The following PAG1 variants were observed in gnomAD, a reference collection of about 807,000 sequenced individuals.
PAG1 encodes phosphoprotein associated with glycosphingolipid-enriched microdomains 1.
Under a neutral mutation model 31.7 loss-of-function variants are expected in PAG1, and 23 were observed. The ratio of observed to expected loss-of-function variants is 0.73; its 90% CI spans 0.52 to 1.03. The LOEUF (loss-of-function observed/expected upper bound fraction) is 1.03. Among genes scored for constraint, PAG1 ranks in the 50% least tolerant of loss-of-function variants. The pLI is 0.00. For synonymous variants in PAG1, 214 were observed against 210.3 expected (o/e 1.02, Z -0.15); for missense variants, 473 against 540.7 (o/e 0.87, Z 1.24).
At chr8:80,999,962 G>A (rs148339136) in intron 3 of PAG1, among the ~76,000 whole-genome samples, 63 of 152,250 alleles carry the variant, frequency 4.1e-4, no homozygotes, top group African/African-American at 1.4e-3. Flanking sequence ...CTAGAAGTAC[G>A]TATCACATGC....
At chr8:81,014,251 T>C (rs1808034790) in intron 3 of PAG1, among the ~76,000 whole-genome samples, 1 of 152,222 alleles carries the variant, frequency 6.6e-6, no homozygotes, top group Non-Finnish European at 1.5e-5. Flanking sequence ...ACAAATTTTA[T>C]AAACCGGAAA....
At chr8:81,042,490 G>A (rs1346903629) in intron 2 of PAG1, among the ~76,000 whole-genome samples, 3 of 152,144 alleles carry the variant, frequency 2.0e-5, no homozygotes, top group African/African-American at 7.2e-5. Flanking sequence ...ATTTTCACAT[G>A]ATAATTTTGG....
chr8:81,011,327 C>T (rs937820284), intron 3 of PAG1, among the ~76,000 whole-genome samples: 11 of 152,134 alleles, frequency 7.2e-5, no homozygotes, highest in Non-Finnish European at 1.3e-4. Flanking sequence ...TTCCCCCATA[C>T]TGTTCTCATG....
chr8:81,111,323 T>C (rs566897033), intron 1 of PAG1, among the ~76,000 whole-genome samples: 1 of 152,246 alleles, frequency 6.6e-6, no homozygotes, highest in South Asian at 2.1e-4. Context: ...TTGGAATGAA[T>C]AATTAGCACG....
At chr8:81,009,777 T>A (rs1163449661) in intron 3 of PAG1, among the ~76,000 whole-genome samples, 5 of 152,172 alleles carry the variant, frequency 3.3e-5, no homozygotes, top group African/African-American at 1.2e-4. Context: ...CACATCTGGT[T>A]AATTTTTATT....
intron 1 of PAG1, among the ~76,000 whole-genome samples, chr8:81,089,817 G>A (rs1311051598): frequency 6.6e-6 from 1 of 152,068 alleles, no homozygotes; most frequent in Non-Finnish European, 1.5e-5. Context: ...ATGCAGAAAC[G>A]TGAGAGTCCA....
In PAG1 at chr8:80,990,166, G is replaced by C. The variant is rs1358004186; in HGVS notation, c.177+1313C>G. Reference sequence around the variant, plus strand: ...AACAGGGCGAGAAACAGAGTAAAGGGAGGAGTGGTGATGAGGGCCCAGGAA... The same window carrying C: ...AACAGGGCGAGAAACAGAGTAAAGGCAGGAGTGGTGATGAGGGCCCAGGAA... On this transcript the variant is annotated intron_variant, in intron 5 of 8. Transcript: ENST00000220597. The surrounding 1 kb of genome is among the most constrained non-coding windows in gnomAD (Gnocchi z 5.1). Among the ~76,000 whole-genome samples the C allele has an allele frequency of 6.6e-6, 1 of 152,096 alleles. No individual in the cohort carries two copies. Among genetic ancestry groups the C allele is most frequent in the African/African-American group, 2.4e-5 (1 of 41,422 alleles).
chr8:81,024,474 G>C (rs1343631454), intron 3 of PAG1, among the ~76,000 whole-genome samples: 1 of 152,158 alleles, frequency 6.6e-6, no homozygotes, highest in Non-Finnish European at 1.5e-5. Flanking sequence ...CGCAAGTTGG[G>C]CTGGGCTACA....
intron 1 of PAG1, among the ~76,000 whole-genome samples, chr8:81,108,455 T>C (rs1489080383): frequency 6.6e-6 from 1 of 152,144 alleles, no homozygotes; most frequent in Admixed American, 6.5e-5. Context: ...AAAGCCAACT[T>C]TGAGCATTTA....
chr8:81,086,035 G>T (rs1182007995), intron 1 of PAG1, among the ~76,000 whole-genome samples: 5 of 125,098 alleles, frequency 4.0e-5, no homozygotes, highest in Admixed American at 3.6e-4. Flanking sequence ...AGGCTGGAGT[G>T]CAGTGGCGCG....
chr8:81,024,921 T>C (rs950456938), intron 3 of PAG1, among the ~76,000 whole-genome samples: 2 of 152,214 alleles, frequency 1.3e-5, no homozygotes, highest in Admixed American at 1.3e-4. Flanking sequence ...TGATGTGTTG[T>C]GTATTGTATC....
intron 2 of PAG1, chr8:81,039,552 A>G (rs1808519359): frequency 6.6e-6 from 1 of 152,220 alleles, no homozygotes; most frequent in Non-Finnish European, 1.5e-5. Context: ...GAATGGTGAG[A>G]CAATCAATTC....
chr8:81,044,469 A>C (rs1201702457), intron 2 of PAG1, among the ~76,000 whole-genome samples: 1 of 152,216 alleles, frequency 6.6e-6, no homozygotes, highest in Non-Finnish European at 1.5e-5. Flanking sequence ...AGGCTACCAG[A>C]TGCAGGAAGA....
At chr8:81,005,085 T>C (rs1807852180) in intron 3 of PAG1, among the ~76,000 whole-genome samples, 1 of 152,042 alleles carries the variant, frequency 6.6e-6, no homozygotes, top group Non-Finnish European at 1.5e-5. Context: ...AGAACATAAA[T>C]GACTGGCAAC....
chr8:81,105,961 T>C (rs989617371), intron 1 of PAG1, among the ~76,000 whole-genome samples: 1 of 152,202 alleles, frequency 6.6e-6, no homozygotes, highest in African/African-American at 2.4e-5. Context: ...AATGAATACA[T>C]GATACGGTAC....
At chr8:81,042,533 G>A (rs529117143) in intron 2 of PAG1, among the ~76,000 whole-genome samples, 1 of 151,990 alleles carries the variant, frequency 6.6e-6, no homozygotes, top group Non-Finnish European at 1.5e-5. Context: ...TCATTTGGAG[G>A]TGCTTATCTG....
chr8:81,085,238 G>C (rs1452430114), intron 1 of PAG1, among the ~76,000 whole-genome samples: 1 of 152,018 alleles, frequency 6.6e-6, no homozygotes, highest in African/African-American at 2.4e-5. Flanking sequence ...CTCTTCCTTC[G>C]TTGAACAGAA....
chr8:81,035,931 A>G (rs913258480), intron 2 of PAG1, among the ~76,000 whole-genome samples: 2 of 152,170 alleles, frequency 1.3e-5, no homozygotes. Context: ...ACAGTTATAA[A>G]CACATATTAA....
rs1809741257 is a variant in PAG1, at chr8:81,109,453, A to T, written c.-234+2138T>A. On this transcript the variant is annotated intron_variant, in intron 1 of 8. Transcript: ENST00000220597. Reference sequence around the variant, plus strand: ...TCATCTCTAAAGTAGAGATGAAGCCACTTACCTCAAAGGACTGTGGTGGGG... The same window carrying T: ...TCATCTCTAAAGTAGAGATGAAGCCTCTTACCTCAAAGGACTGTGGTGGGG... 5.3e-5 allele frequency among the ~76,000 whole-genome samples: 8 copies of T among 152,210 alleles called. 1 individual carries two copies.
Sources: allele counts gnomAD v4.1 joint callset (sites outside exome capture counted in the v4.1 genomes callset), GRCh38; gene constraint gnomAD v4.1.1; non-coding constraint Gnocchi (gnomAD v3.1); transcripts MANE v1.5; gene names NCBI Gene and HGNC (gene_info 2026-07-23, HGNC 2026-07-21).